SNTB2: variants seen among roughly 807,000 people sequenced by gnomAD.
The protein encoded by SNTB2 is beta-2-syntrophin.
A neutral mutation model predicts 46.2 loss-of-function variants in SNTB2; 34 were observed. The observed-to-expected ratio is 0.74, with a 90% CI of 0.56 to 0.98. The LOEUF (loss-of-function observed/expected upper bound fraction) is 0.98, where lower values mean the gene tolerates loss of function less well. Among genes scored for constraint, SNTB2 ranks in the 50% least tolerant of loss-of-function variants. SNTB2 has a pLI of 0.00. For synonymous variants in SNTB2, 290 were observed against 312.6 expected (o/e 0.93, Z 0.76); for missense variants, 603 against 731.4 (o/e 0.82, Z 2.02).
intron 1 of SNTB2, among the ~76,000 whole-genome samples, chr16:69,230,131 G>C (rs1198863409): frequency 1.3e-5 from 2 of 151,890 alleles, no homozygotes; most frequent in African/African-American, 4.8e-5. Flanking sequence ...TTATTACAGA[G>C]CACATGTTTA....
chr16:69,233,395 A>C, intron 1 of SNTB2, among the ~76,000 whole-genome samples: 1 of 152,182 alleles, frequency 6.6e-6, no homozygotes, highest in South Asian at 2.1e-4. Flanking sequence ...TTTTAAGTAG[A>C]AGAAAATAAT....
At chr16:69,195,266 TTTG>T (rs543912504) in intron 1 of SNTB2, among the ~76,000 whole-genome samples, 14 of 152,058 alleles carry the variant, frequency 9.2e-5, no homozygotes, top group Non-Finnish European at 1.9e-4. Context: ...AAAGTATCTA[TTTG>T]TTGTTATTAT....
At chr16:69,214,889 G>A (rs1964331568) in intron 1 of SNTB2, among the ~76,000 whole-genome samples, 1 of 151,506 alleles carries the variant, frequency 6.6e-6, no homozygotes, top group African/African-American at 2.4e-5. Flanking sequence ...TGTCACCCAG[G>A]CTGGAGTGCA....
In SNTB2 at chr16:69,300,976, T is replaced by TAA; in HGVS notation, c.*52_*53insAA. ...GACTGTCACAAGAAATATTTCCACC[T>TAA]CAAAAAAAAAAAAGCACAAAAAGAA... On this transcript the variant is annotated 3_prime_UTR_variant, in exon 7 of 7. Transcript: ENST00000336278. 1.9e-6 allele frequency: 2 copies of TAA among 1,036,162 alleles called. No homozygotes were observed. The highest frequency in any genetic ancestry group is 2.9e-6 in the Non-Finnish European group (2 of 693,178). The allele number at this position is 1,036,162 out of a possible 1,614,324, so 64.2% of individuals were successfully genotyped here. A position where few individuals can be genotyped will look rare whatever the true frequency, so the allele number is the denominator to read the frequency against.
chr16:69,281,935 C>T (rs1340490286), intron 4 of SNTB2, among the ~76,000 whole-genome samples: 2 of 138,914 alleles, frequency 1.4e-5, no homozygotes, highest in East Asian at 2.2e-4. Flanking sequence ...GAGGGAGTCT[C>T]GCTCTTGTTG....
At chr16:69,207,436 G>A (rs1449575525) in intron 1 of SNTB2, among the ~76,000 whole-genome samples, 1 of 152,106 alleles carries the variant, frequency 6.6e-6, no homozygotes, top group African/African-American at 2.4e-5. Context: ...GGGATTACAG[G>A]CGTGAGCCAC....
chr16:69,245,496 T>C, intron 1 of SNTB2, 106 bp from the exon 2 acceptor site: 1 of 1,165,966 alleles, frequency 8.6e-7, no homozygotes, highest in Admixed American at 1.8e-5. Flanking sequence ...CGCCCAGCTC[T>C]TTCCTCCACT....
rs768723969 is a variant in SNTB2 at position 69,305,995 on chromosome 16, T to C, written c.*5071T>C. On this transcript the variant is annotated 3_prime_UTR_variant, in exon 7 of 7. Coordinates refer to ENST00000336278, the MANE Select transcript of SNTB2 (RefSeq NM_006750.4). ...TGTGATGATAGTTCTAAAATAATTA[T>C]GCTATATATCAGGGTTCTGTATTTT... 16 of 152,206 alleles carry C rather than the reference T, an allele frequency of 1.1e-4. No homozygotes were observed. Among genetic ancestry groups the C allele is most frequent in the Non-Finnish European group, 1.6e-4 (11 of 68,032 alleles). The allele number at this position is 152,206 out of a possible 1,614,324, so 9.4% of individuals were successfully genotyped here.
At chr16:69,297,731 G>A (rs1965241677) in intron 5 of SNTB2, among the ~76,000 whole-genome samples, 1 of 152,174 alleles carries the variant, frequency 6.6e-6, no homozygotes, top group South Asian at 2.1e-4. Context: ...GGCCAACGTG[G>A]TGAAACCCTG....
intron 1 of SNTB2, among the ~76,000 whole-genome samples, chr16:69,243,917 A>C (rs1964643020): frequency 6.6e-6 from 1 of 152,184 alleles, no homozygotes; most frequent in Non-Finnish European, 1.5e-5. Flanking sequence ...AATTTCAGTA[A>C]ATCTTTTTTA....
At chr16:69,256,894 G>A (rs543733156) in intron 2 of SNTB2, among the ~76,000 whole-genome samples, 24 of 152,284 alleles carry the variant, frequency 1.6e-4, no homozygotes, top group African/African-American at 5.3e-4. Context: ...TTAAGGCCAG[G>A]CACAGTGGCT....
At chr16:69,300,520 G>T (rs1169083717) in intron 6 of SNTB2, among the ~76,000 whole-genome samples, 1 of 152,308 alleles carries the variant, frequency 6.6e-6, no homozygotes, top group East Asian at 1.9e-4. Context: ...AAAGTGCTGG[G>T]ATTATGGGCG....
chr16:69,222,515 C>T (rs1964415509), intron 1 of SNTB2, among the ~76,000 whole-genome samples: 2 of 151,618 alleles, frequency 1.3e-5, no homozygotes, highest in South Asian at 2.1e-4. Context: ...ATCACTTGAA[C>T]CTGGGAGGTG....
intron 5 of SNTB2, among the ~76,000 whole-genome samples, chr16:69,299,210 T>C (rs1965256327): frequency 6.6e-6 from 1 of 151,768 alleles, no homozygotes; most frequent in Non-Finnish European, 1.5e-5. Flanking sequence ...TGGTGCAATC[T>C]TGGCTCACTG....
intron 1 of SNTB2, among the ~76,000 whole-genome samples, chr16:69,216,234 C>A (rs963143059): frequency 2.0e-5 from 3 of 152,134 alleles, no homozygotes; most frequent in Non-Finnish European, 2.9e-5. Flanking sequence ...TTTCTGAAAT[C>A]CATGAAAATG....
chr16:69,273,858 C>A (rs957463029), intron 4 of SNTB2, among the ~76,000 whole-genome samples: 3 of 152,068 alleles, frequency 2.0e-5, no homozygotes, highest in African/African-American at 2.4e-5. Context: ...TTGTTAAGTG[C>A]ACCCTAATGA....
intron 3 of SNTB2, among the ~76,000 whole-genome samples, chr16:69,269,212 C>T (rs568715324): frequency 1.3e-4 from 20 of 151,746 alleles, no homozygotes; most frequent in East Asian, 3.9e-4. Flanking sequence ...AACCGTGATC[C>T]GCGTTTTAAA....
chr16:69,233,483 G>A (rs1964527957), intron 1 of SNTB2, among the ~76,000 whole-genome samples: 1 of 152,126 alleles, frequency 6.6e-6, no homozygotes, highest in Admixed American at 6.6e-5. Flanking sequence ...AAAATAGCAA[G>A]GGTTATTTTA....
At chr16:69,220,980 A>G (rs1250688745) in intron 1 of SNTB2, among the ~76,000 whole-genome samples, 1 of 152,070 alleles carries the variant, frequency 6.6e-6, no homozygotes, top group Non-Finnish European at 1.5e-5. Context: ...AGCAACCACT[A>G]CTTTGTTTTC....
Sources: allele counts gnomAD v4.1 joint callset (sites outside exome capture counted in the v4.1 genomes callset), GRCh38; gene constraint gnomAD v4.1.1; transcripts MANE v1.5; gene names NCBI Gene and HGNC (gene_info 2026-07-23, HGNC 2026-07-21).